The following BBS9 variants were observed in gnomAD, a reference collection of about 807,000 sequenced individuals.
BBS9 encodes protein PTHB1.
A neutral mutation model predicts 117.7 loss-of-function variants in BBS9; 89 were observed. The ratio of observed to expected loss-of-function variants is 0.76; its 90% CI spans 0.64 to 0.90. BBS9 has a LOEUF of 0.90. Among genes scored for constraint, BBS9 ranks in the 40% least tolerant of loss-of-function variants. The pLI is 0.00. For synonymous variants in BBS9, 379 were observed against 370.9 expected, an observed-to-expected ratio of 1.02 and a Z score of -0.25; for missense variants, 982 against 1,042.2, an observed-to-expected ratio of 0.94 and a Z score of 0.80.
At chr7:33,557,741 CTT>C (rs1335940076) in intron 21 of BBS9, among the ~76,000 whole-genome samples, 1 of 152,240 alleles carries the variant, frequency 6.6e-6, no homozygotes, top group African/African-American at 2.4e-5. Context: ...CTTCCAGACT[CTT>C]TTCCAACGAT....
intron 21 of BBS9, among the ~76,000 whole-genome samples, chr7:33,554,947 G>A (rs1405219073): frequency 6.6e-6 from 1 of 152,162 alleles, no homozygotes; most frequent in Non-Finnish European, 1.5e-5. Flanking sequence ...CAGAAGCCAA[G>A]CGAAGGGAGG....
chr7:33,589,898 G>C (rs1861562081), intron 21 of BBS9, among the ~76,000 whole-genome samples: 1 of 152,048 alleles, frequency 6.6e-6, no homozygotes, highest in South Asian at 2.1e-4. Flanking sequence ...GTTTAGAAAA[G>C]AGATGAGGAC....
intron 20 of BBS9, among the ~76,000 whole-genome samples, chr7:33,527,451 T>C (rs1849766006): frequency 6.6e-6 from 1 of 152,028 alleles, no homozygotes; most frequent in African/African-American, 2.4e-5. Context: ...AGTCTCGTGG[T>C]GCGCCGTTTT....
intron 19 of BBS9, among the ~76,000 whole-genome samples, chr7:33,504,299 C>T (rs995908315): frequency 2.6e-5 from 4 of 152,210 alleles, no homozygotes; most frequent in African/African-American, 7.2e-5. Flanking sequence ...CCAGCAATTT[C>T]AGGCAAGGAC....
In BBS9 at chr7:33,357,583, C is replaced by T. The variant is rs1234010940; in HGVS notation, c.1553-272C>T. The T allele has an allele frequency of 1.3e-5, 6 of 472,084 alleles. No homozygotes were observed. In the Admixed American group the frequency reaches 1.7e-4, roughly 13 times the overall value. The allele number at this position is 472,084 out of a possible 1,614,324, so 29.2% of individuals were successfully genotyped here. A position where few individuals can be genotyped will look rare whatever the true frequency, so the allele number is the denominator to read the frequency against. ...TGACTATAATGTTTTATATAGTATC[C>T]AAATGTGATGATTTTAAAAATATGA... On this transcript the variant is annotated intron_variant, in intron 15 of 22. Transcript: ENST00000242067.
intron 21 of BBS9, among the ~76,000 whole-genome samples, chr7:33,558,279 G>T (rs552958359): frequency 6.6e-6 from 1 of 152,262 alleles, no homozygotes; most frequent in East Asian, 1.9e-4. Flanking sequence ...TTAGATGAAG[G>T]CAGTAAGCAG....
chr7:33,592,724 A>G (rs1447430013), intron 21 of BBS9, among the ~76,000 whole-genome samples: 1 of 152,014 alleles, frequency 6.6e-6, no homozygotes, highest in African/African-American at 2.4e-5. Context: ...AAACAACACA[A>G]TTTGGTCAAG....
At chr7:33,211,108 T>C (rs1242751277) in intron 5 of BBS9, among the ~76,000 whole-genome samples, 1 of 152,240 alleles carries the variant, frequency 6.6e-6, no homozygotes, top group East Asian at 1.9e-4. Flanking sequence ...CATCGTGTCT[T>C]GTTTTTTCAT....
chr7:33,366,690 G>A (rs185142134), intron 16 of BBS9, among the ~76,000 whole-genome samples: 143 of 151,624 alleles, frequency 9.4e-4, no homozygotes, highest in African/African-American at 3.1e-3. Context: ...GACTACAGGC[G>A]CATGCCACCA....
Position 33,474,247 on chromosome 7 carries a change from A to G in BBS9, c.2116-31216A>G, listed in dbSNP as rs568492656. Among the ~76,000 whole-genome samples, 24 of 152,292 alleles carry G rather than the reference A, an allele frequency of 1.6e-4. 2 individuals are homozygous for G. The highest frequency in any genetic ancestry group is 3.4e-3 in the Middle Eastern group (1 of 294). On this transcript the variant is annotated intron_variant, in intron 19 of 22. Coordinates refer to ENST00000242067, the MANE Select transcript of BBS9 (RefSeq NM_198428.3). ...TTCACTGTTGTTGGGGGGAAATTTA[A>G]TTTGCTTCAAACCAGAATTGTTTTA...
intron 19 of BBS9, among the ~76,000 whole-genome samples, chr7:33,486,113 C>T (rs1402691097): frequency 1.3e-5 from 2 of 152,170 alleles, no homozygotes; most frequent in Admixed American, 1.3e-4. Flanking sequence ...ACAATTTAGC[C>T]TTATTGTTCA....
At chr7:33,420,890 T>C (rs1832763747) in intron 19 of BBS9, among the ~76,000 whole-genome samples, 2 of 152,216 alleles carry the variant, frequency 1.3e-5, no homozygotes, top group Non-Finnish European at 2.9e-5. Context: ...GGTGAAAGTT[T>C]TTCTTCACTA....
chr7:33,232,595 A>T (rs1358007944), intron 5 of BBS9, among the ~76,000 whole-genome samples: 1 of 152,096 alleles, frequency 6.6e-6, no homozygotes, highest in Non-Finnish European at 1.5e-5. Flanking sequence ...AATTGTATAA[A>T]TAATTGTGAT....
At chr7:33,346,112 G>A (rs1006087429) in intron 12 of BBS9, 1 of 305,830 alleles carries the variant, frequency 3.3e-6, no homozygotes, top group Non-Finnish European at 6.6e-6. Flanking sequence ...CAGGCAAGGG[G>A]TGCAGAAAAT....
intron 4 of BBS9, among the ~76,000 whole-genome samples, chr7:33,163,985 T>C (rs1212412438): frequency 6.6e-6 from 1 of 152,258 alleles, no homozygotes; most frequent in Non-Finnish European, 1.5e-5. Context: ...TAAGTTTCCC[T>C]CTACACACTG....
intron 5 of BBS9, among the ~76,000 whole-genome samples, chr7:33,194,173 T>C (rs1474395546): frequency 6.6e-6 from 1 of 152,232 alleles, no homozygotes; most frequent in African/African-American, 2.4e-5. Flanking sequence ...GTAGAACTTA[T>C]GGTATTATGG....
intron 17 of BBS9, among the ~76,000 whole-genome samples, chr7:33,371,501 ATTAAT>A (rs1055178344): frequency 6.6e-6 from 1 of 152,180 alleles, no homozygotes; most frequent in Admixed American, 6.5e-5. Context: ...ATGTTTGAAC[ATTAAT>A]TTAAATGATT....
In BBS9 at chr7:33,504,121, T is replaced by A. The variant is rs551922888; in HGVS notation, c.2116-1342T>A. Among the ~76,000 whole-genome samples, 4 of 152,346 alleles carry A rather than the reference T, an allele frequency of 2.6e-5. No homozygotes were observed. The South Asian group carries it at 8.3e-4, about 32-fold the overall frequency. ...TAAGATATTGTGTAGTTCTTTTGAA[T>A]GTAATTGGGGAGTAGCACAGTACTA... On this transcript the variant is annotated intron_variant, in intron 19 of 22. Coordinates refer to ENST00000242067, the MANE Select transcript of BBS9 (RefSeq NM_198428.3).
intron 20 of BBS9, among the ~76,000 whole-genome samples, chr7:33,507,852 G>A (rs1846366606): frequency 6.6e-6 from 1 of 152,184 alleles, no homozygotes; most frequent in Non-Finnish European, 1.5e-5. Context: ...AGGTGATAAA[G>A]TGCTGTTAAA....
Sources: gnomAD v4.1 joint callset for allele counts (sites outside exome capture counted in the v4.1 genomes callset) on GRCh38, gnomAD v4.1.1 for gene constraint, MANE v1.5 for transcripts, NCBI Gene and HGNC (gene_info 2026-07-23, HGNC 2026-07-21) for gene names.